Variants in DMD observed in about 807,000 individuals in gnomAD.
The protein encoded by DMD is dystrophin.
Under a neutral mutation model 330.1 loss-of-function variants are expected in DMD, and 63 were observed. The ratio of observed to expected loss-of-function variants is 0.19; its 90% CI spans 0.16 to 0.24. The LOEUF is 0.24. Among genes scored for constraint, DMD ranks in the 10% least tolerant of loss-of-function variants. The pLI is 1.00. For missense variants in DMD, 3,344 were observed against 2,684.1 expected, an observed-to-expected ratio of 1.25 and a Z score of -5.43; for synonymous variants, 1,223 against 959.8, an observed-to-expected ratio of 1.27 and a Z score of -5.07.
chrX:31,380,207 G>C (rs149730163), intron 60 of DMD, among the ~76,000 whole-genome samples: 2 of 109,540 alleles, frequency 1.8e-5, no homozygotes, highest in African/African-American at 6.6e-5. Flanking sequence ...CAACTTAGAC[G>C]ATACTCTTTT....
At chrX:31,323,335 T>C (rs1258371782) in intron 62 of DMD, among the ~76,000 whole-genome samples, 1 of 112,124 alleles carries the variant, frequency 8.9e-6, no homozygotes. Flanking sequence ...TTTGGTTCTA[T>C]TGTGAAAAAT....
intron 7 of DMD, among the ~76,000 whole-genome samples, chrX:32,772,862 C>T (rs2073760528): frequency 9.0e-6 from 1 of 111,710 alleles, no homozygotes; most frequent in South Asian, 3.7e-4. Flanking sequence ...GGAAAATAAA[C>T]ATATCAAATT....
At chrX:31,817,992 T>C (rs1331326782) in intron 50 of DMD, among the ~76,000 whole-genome samples, 1 of 111,677 alleles carries the variant, frequency 9.0e-6, no homozygotes, top group African/African-American at 3.3e-5. Context: ...CTATAGACAA[T>C]AATACCCTCA....
At chrX:31,822,709 T>TGTGTGTGTGTGTGTGTA (rs1569454574) in intron 49 of DMD, among the ~76,000 whole-genome samples, 1 of 107,231 alleles carries the variant, frequency 9.3e-6, no homozygotes, top group African/African-American at 3.4e-5. Context: ...TGTATTTTTC[T>TGTGTGTGTGTGTGTGTA]TGCCTTTGAT....
intron 44 of DMD, among the ~76,000 whole-genome samples, chrX:32,119,947 C>T (rs1428886349): frequency 1.8e-5 from 2 of 112,045 alleles, no homozygotes; most frequent in Non-Finnish European, 3.8e-5. Flanking sequence ...ATACAGCTGA[C>T]TTGCCACCTC....
rs750118575 is a variant in DMD, at chrX:32,781,638, C to T, written c.649+27855G>A. 2.7e-5 allele frequency among the ~76,000 whole-genome samples: 3 copies of T among 109,800 alleles called. No homozygotes were observed. The South Asian group carries it at 1.2e-3, about 43-fold the overall frequency. On this transcript the variant is annotated intron_variant, in intron 7 of 78. Transcript: ENST00000357033. Reference sequence around the variant, plus strand: ...TGCTGCTGCTTGTGAATGTGTCAGCCTCTCTCCTGCAACCAAATTTCTACC... The same window carrying T: ...TGCTGCTGCTTGTGAATGTGTCAGCTTCTCTCCTGCAACCAAATTTCTACC...
At chrX:32,518,354 T>G (rs1226476465) in intron 17 of DMD, among the ~76,000 whole-genome samples, 3 of 110,549 alleles carry the variant, frequency 2.7e-5, no homozygotes, top group African/African-American at 9.9e-5. Context: ...TTTATTCACC[T>G]CAATGTAAAA....
chrX:32,840,537 C>G (rs780623413), intron 4 of DMD, among the ~76,000 whole-genome samples: 1 of 111,474 alleles, frequency 9.0e-6, no homozygotes, highest in Non-Finnish European at 1.9e-5. Context: ...TAACAGCTAT[C>G]AGGTCAAAAC....
At chrX:32,021,096 T>C (rs1216315836) in intron 44 of DMD, among the ~76,000 whole-genome samples, 1 of 112,358 alleles carries the variant, frequency 8.9e-6, no homozygotes, top group Non-Finnish European at 1.9e-5. Flanking sequence ...ACATGCACTA[T>C]AAAACATATA....
intron 44 of DMD, among the ~76,000 whole-genome samples, chrX:32,079,499 G>A (rs755886079): frequency 4.3e-4 from 48 of 111,016 alleles, no homozygotes; most frequent in African/African-American, 1.5e-3. Context: ...GGAGGCGGAG[G>A]CACACGAAAA....
rs58167942 is a variant in DMD, at chrX:31,756,463, TACACAC to T, written c.7542+17491_7542+17496del. On this transcript the variant is annotated intron_variant, in intron 51 of 78. Transcript: ENST00000357033. ...ACCATATATGTTATTCGTGTATGTG[TACACAC>T]ACACACACACACACACACACGCGCA... Among the ~76,000 whole-genome samples, 82 of 106,706 alleles carry T rather than the reference TACACAC, an allele frequency of 7.7e-4. 1 individual carries two copies. The highest frequency in any genetic ancestry group is 2.1e-3 in the South Asian group (5 of 2,415). 92.7% of individuals were successfully genotyped at this position (106,706 alleles called of 115,157 possible).
intron 55 of DMD, among the ~76,000 whole-genome samples, chrX:31,573,953 C>T (rs758066158): frequency 1.8e-5 from 2 of 110,755 alleles, no homozygotes; most frequent in Non-Finnish European, 1.9e-5. Flanking sequence ...CTCATTTAAT[C>T]TTCACAATAT....
At chrX:32,763,536 A>G (rs2072590038) in intron 7 of DMD, among the ~76,000 whole-genome samples, 1 of 111,694 alleles carries the variant, frequency 9.0e-6, no homozygotes, top group Non-Finnish European at 1.9e-5. Flanking sequence ...TACTAGACTA[A>G]TACTTGTCAG....
chrX:33,070,673 C>CTCTCTCTCTCTCTCTATATA (rs1192910156), intron 1 of DMD, among the ~76,000 whole-genome samples: 2 of 35,656 alleles, frequency 5.6e-5, no homozygotes, highest in Non-Finnish European at 8.9e-5. Context: ...CTCTCTCTCT[C>CTCTCTCTCTCTCTCTATATA]TATATATATA....
At chrX:31,685,647 T>C (rs761098978) in intron 52 of DMD, among the ~76,000 whole-genome samples, 75 of 112,475 alleles carry the variant, frequency 6.7e-4, no homozygotes, top group Non-Finnish European at 8.4e-4. Flanking sequence ...CTATCTGCCG[T>C]TGGCACTCAT....
intron 44 of DMD, among the ~76,000 whole-genome samples, chrX:31,991,188 T>C (rs993187185): frequency 9.0e-6 from 1 of 111,461 alleles, no homozygotes; most frequent in Non-Finnish European, 1.9e-5. Flanking sequence ...TTATACCAGA[T>C]CTTGTAAATA....
intron 44 of DMD, among the ~76,000 whole-genome samples, chrX:32,065,316 T>G (rs933554543): frequency 2.7e-5 from 3 of 111,197 alleles, no homozygotes; most frequent in African/African-American, 9.8e-5. Flanking sequence ...TTTCTTTTCC[T>G]GGAAGCAGCT....
intron 21 of DMD, among the ~76,000 whole-genome samples, chrX:32,475,601 G>T (rs746655812): frequency 1.1e-4 from 12 of 110,558 alleles, no homozygotes; most frequent in East Asian, 5.7e-4. Flanking sequence ...TAAGTTTTTT[G>T]TTGTTGTTGT....
At chrX:31,384,309 C>CACCACTACTACT (rs2060332079) in intron 60 of DMD, among the ~76,000 whole-genome samples, 2 of 91,320 alleles carry the variant, frequency 2.2e-5, no homozygotes, top group Non-Finnish European at 2.3e-5. Flanking sequence ...TATCCTGCTT[C>CACCACTACTACT]ACTACTACTA....
Sources: allele counts gnomAD v4.1 joint callset (sites outside exome capture counted in the v4.1 genomes callset), GRCh38; gene constraint gnomAD v4.1.1; transcripts MANE v1.5; gene names NCBI Gene and HGNC (gene_info 2026-07-23, HGNC 2026-07-21).